The following CIMAP2 variants were observed in gnomAD, a reference collection of about 807,000 sequenced individuals.
CIMAP2 encodes the protein ciliary microtubule-associated protein 2.
the CIMAP2 span, chr1:54,814,993 C>T: frequency 6.2e-7 from 1 of 1,614,148 alleles, no homozygotes; most frequent in Non-Finnish European, 8.5e-7. Context: ...CTGTTGACCT[C>T]CAAGGGGTCA....
chr1:54,841,828 A>G, the CIMAP2 span: 323,159 of 1,557,256 alleles, frequency 0.21, 35,617 homozygotes, highest in East Asian at 0.44. Context: ...TTACTAAGGG[A>G]AAGTGCCCTC....
the CIMAP2 span, chr1:54,806,189 A>C: frequency 6.5e-7 from 1 of 1,548,928 alleles, no homozygotes; most frequent in Non-Finnish European, 8.7e-7. Context: ...CAAGTGGTTC[A>C]CCGGGGCGCC....
At chr1:54,835,679 C>T in the CIMAP2 span, among the ~76,000 whole-genome samples, 31 of 152,176 alleles carry the variant, frequency 2.0e-4, no homozygotes, top group Non-Finnish European at 3.5e-4. Flanking sequence ...TGCCAGGCAC[C>T]TTGCTGGTTC....
chr1:54,817,980 T>C, the CIMAP2 span, among the ~76,000 whole-genome samples: 2 of 152,210 alleles, frequency 1.3e-5, no homozygotes, highest in Admixed American at 1.3e-4. Flanking sequence ...ATCTGATCAA[T>C]AGTTTGGTTG....
At chr1:54,839,862 C>T in the CIMAP2 span, among the ~76,000 whole-genome samples, 1 of 152,102 alleles carries the variant, frequency 6.6e-6, no homozygotes, top group African/African-American at 2.4e-5. Context: ...GCAATCCTCC[C>T]ACCTCAGGCT....
the CIMAP2 span, chr1:54,811,765 G>GCCGGGGGGGGGGCGGGCGCCCCCC: frequency 7.7e-7 from 1 of 1,301,332 alleles, no homozygotes; most frequent in Non-Finnish European, 1.1e-6. Flanking sequence ...GGTTCTGACA[G>GCCGGGGGGGGGGCGGGCGCCCCCC]CCTCCATGCC....
the CIMAP2 span, chr1:54,841,942 CAGCATG>C: frequency 6.9e-7 from 1 of 1,456,042 alleles, no homozygotes; most frequent in South Asian, 1.2e-5. Context: ...CTGGGGGTGA[CAGCATG>C]GGCATGGGAG....
the CIMAP2 span, among the ~76,000 whole-genome samples, chr1:54,835,751 G>A: frequency 1.1e-4 from 16 of 152,190 alleles, no homozygotes; most frequent in Non-Finnish European, 7.4e-5. Context: ...AGCTTCATGG[G>A]GAGGGCACTC....
At chr1:54,829,053 C>T in the CIMAP2 span, among the ~76,000 whole-genome samples, 1 of 152,200 alleles carries the variant, frequency 6.6e-6, no homozygotes, top group African/African-American at 2.4e-5. Context: ...GAGGACTAAG[C>T]ACCACACTGT....
the CIMAP2 span, among the ~76,000 whole-genome samples, chr1:54,832,899 C>T: frequency 1.3e-5 from 2 of 151,990 alleles, no homozygotes; most frequent in African/African-American, 2.4e-5. Flanking sequence ...TGGTGATGTG[C>T]ACCTGTAATC....
the CIMAP2 span, chr1:54,841,522 A>G: frequency 1.3e-6 from 2 of 1,588,498 alleles, no homozygotes; most frequent in Non-Finnish European, 1.7e-6. Flanking sequence ...ATAATTTTCC[A>G]GGGACTATGA....
At chr1:54,820,148 C>CCCTT in the CIMAP2 span, among the ~76,000 whole-genome samples, 4,062 of 116,080 alleles carry the variant, frequency 0.035, 251 homozygotes, top group East Asian at 0.2. Flanking sequence ...CTCTCTTTCT[C>CCCTT]CCTTCCTTCC....
At chr1:54,817,385 C>T in the CIMAP2 span, among the ~76,000 whole-genome samples, 1 of 152,202 alleles carries the variant, frequency 6.6e-6, no homozygotes, top group Non-Finnish European at 1.5e-5. Context: ...TTTGAGGAGA[C>T]CCAAATGAAA....
the CIMAP2 span, chr1:54,807,416 G>C: frequency 7.5e-7 from 1 of 1,328,638 alleles, no homozygotes; most frequent in Non-Finnish European, 1.0e-6. Context: ...AGCCACAGGG[G>C]GATTGCCTAC....
chr1:54,811,765 G>GCGGGGGGGGGGGGGGGGGCCCCC, the CIMAP2 span: 2 of 1,301,332 alleles, frequency 1.5e-6, no homozygotes, highest in Non-Finnish European at 2.2e-6. Context: ...GGTTCTGACA[G>GCGGGGGGGGGGGGGGGGGCCCCC]CCTCCATGCC....
chr1:54,815,057 G>A, the CIMAP2 span: 1 of 1,613,378 alleles, frequency 6.2e-7, no homozygotes, highest in African/African-American at 1.3e-5. Flanking sequence ...GGTCTGGGGT[G>A]AGGGATACAT....
At chr1:54,810,511 G>A in the CIMAP2 span, among the ~76,000 whole-genome samples, 4 of 152,100 alleles carry the variant, frequency 2.6e-5, no homozygotes, top group East Asian at 3.9e-4. Flanking sequence ...ATTCCTCTGG[G>A]AGCGAACAAA....
chr1:54,842,015 A>G, the CIMAP2 span: 1 of 836,698 alleles, frequency 1.2e-6, no homozygotes, highest in Non-Finnish European at 1.9e-6. Flanking sequence ...ATGTATGGGG[A>G]TCACCTTTGC....
the CIMAP2 span, among the ~76,000 whole-genome samples, chr1:54,828,657 T>A: frequency 3.9e-5 from 6 of 152,276 alleles, no homozygotes; most frequent in East Asian, 5.8e-4. Flanking sequence ...TTTCTTTTTT[T>A]TTTATTTATT....
Sources: allele counts gnomAD v4.1 joint callset (sites outside exome capture counted in the v4.1 genomes callset), GRCh38; gene constraint gnomAD v4.1.1; transcripts MANE v1.5; gene names NCBI Gene and HGNC (gene_info 2026-07-23, HGNC 2026-07-21).